NEFL: variants seen among roughly 807,000 people sequenced by gnomAD.
The protein encoded by NEFL is neurofilament light chain.
Under a neutral mutation model 51.6 loss-of-function variants are expected in NEFL, and 36 were observed. The observed-to-expected ratio is 0.70, with a 90% confidence interval of 0.53 to 0.92. NEFL has a LOEUF of 0.92. Among genes scored for constraint, NEFL ranks in the 40% least tolerant of loss-of-function variants. The pLI is 0.00. For missense variants in NEFL, 671 were observed against 722.0 expected, an observed-to-expected ratio of 0.93 and a Z score of 0.81; for synonymous variants, 332 against 302.5, an observed-to-expected ratio of 1.10 and a Z score of -1.01.
At position 24,955,462 on chromosome 8, in the gene NEFL, C is replaced by A; in HGVS notation, c.1044+10G>T. On this transcript the variant is annotated intron_variant, in intron 1 of 3. Transcript: ENST00000610854. This position sits in a 1 kb window ranked among gnomAD's most constrained non-coding sequence, Gnocchi z 4.0. ...TCCCCCGCCCCCCTGTGTTTCTGGC[C>A]GTGCCGCACCTGCATAGCGCTGATG... 6.4e-7 allele frequency: 1 copy of A among 1,574,534 alleles called. No homozygotes were observed. Among genetic ancestry groups the A allele is most frequent in the Non-Finnish European group, 8.6e-7 (1 of 1,161,566 alleles).
chr8:24,955,263 A>C lies in NEFL; in HGVS notation c.1044+209T>G. 1 of 522,626 alleles carries C rather than the reference A, an allele frequency of 1.9e-6. No individual in the cohort carries two copies. 32.4% of individuals were successfully genotyped at this position (522,626 alleles called of 1,614,324 possible). A position where few individuals can be genotyped will look rare whatever the true frequency, so the allele number is the denominator to read the frequency against. Reference sequence around the variant, plus strand: ...CAGCTTTAATGCGGAACGCCGGTGCAGCAGCACGGAGCACACTCCCAGACT... The same window carrying C: ...CAGCTTTAATGCGGAACGCCGGTGCCGCAGCACGGAGCACACTCCCAGACT... On this transcript the variant is annotated intron_variant, in intron 1 of 3. Transcript: ENST00000610854. The surrounding 1 kb of genome is among the most constrained non-coding windows in gnomAD (Gnocchi z 4.0).
In NEFL at chr8:24,955,348, GAGCCA is replaced by G; in HGVS notation, c.1044+119_1044+123del. ...CCACCCCTCCCACACAGTGGCCAAG[GAGCCA>G]AGCCCTATCCCTAAGAGCTGCGTGC... On this transcript the variant is annotated intron_variant, in intron 1 of 3. Transcript: ENST00000610854. The surrounding 1 kb of genome is among the most constrained non-coding windows in gnomAD (Gnocchi z 4.0). The G allele has an allele frequency of 1.0e-6, 1 of 999,748 alleles. No individual in the cohort carries two copies. The highest frequency in any genetic ancestry group is 1.6e-5 in the African/African-American group (1 of 61,474). 61.9% of individuals were successfully genotyped at this position (999,748 alleles called of 1,614,324 possible).
Position 24,955,422 on chromosome 8 carries a change from C to A in NEFL, c.1044+50G>T. The A allele has an allele frequency of 6.0e-6, 4 of 670,060 alleles. No individual in the cohort carries two copies. The highest frequency in any genetic ancestry group is 3.4e-5 in the South Asian group (2 of 58,868). The allele number at this position is 670,060 out of a possible 1,614,324, so 41.5% of individuals were successfully genotyped here. A position where few individuals can be genotyped will look rare whatever the true frequency, so the allele number is the denominator to read the frequency against. On this transcript the variant is annotated intron_variant, in intron 1 of 3. Transcript: ENST00000610854. This position sits in a 1 kb window ranked among gnomAD's most constrained non-coding sequence, Gnocchi z 4.0. The stretch of plus-strand genomic sequence containing the variant: ...CTCCACTTTCTGGGCGCACCAACTC[C>A]CCCCCTTGCTCGAGTCCCCCGCCCC...
At position 24,954,241 on chromosome 8, in the gene NEFL, T is replaced by C; in HGVS notation, c.1109A>G (p.Lys370Arg). Residue 370 changes from lysine (K) to arginine (R), a missense_variant, in exon 2 of 4, where the codon AAA becomes AGA. By Grantham distance (26) the Lys-to-Arg change is conservative (BLOSUM62 2). Coordinates refer to ENST00000610854, the MANE Select transcript of NEFL (RefSeq NM_006158.5). The stretch of plus-strand genomic sequence containing the variant: ...CACGTTGAGGAGGTCTTGGTATTCT[T>C]TTAGGTATCGTGCCATTTCACTCTT... ...TTKSEMARYL[K>R]EYQDLLNVKM... 1 of 1,613,980 alleles carries C rather than the reference T, an allele frequency of 6.2e-7. No homozygotes were observed. Among genetic ancestry groups the C allele is most frequent in the Non-Finnish European group, 8.5e-7 (1 of 1,179,872 alleles).
Position 24,955,615 on chromosome 8 carries a change from C to A in NEFL, c.901G>T (p.Ala301Ser), listed in dbSNP as rs749035797. The A allele has an allele frequency of 3.7e-6, 6 of 1,613,792 alleles. No homozygotes were observed. The highest frequency in any genetic ancestry group is 1.3e-5 in the African/African-American group (1 of 75,032). The change falls in exon 1 of 4, where the codon GCC becomes TCC. Residue 301 changes from alanine to serine, a missense_variant. Ala to Ser is a moderately conservative substitution (Grantham distance 99). Transcript: ENST00000610854. The surrounding 1 kb of genome is among the most constrained non-coding windows in gnomAD (Gnocchi z 4.0). The stretch of plus-strand genomic sequence containing the variant: ...CGGCTCTCGGACACCTCGTCCTTGG[C>A]GGCGCGCACGGCGTCGGTGTTCTTG... ...AAKNTDAVRA[A>S]KDEVSESRRL... is the part of the protein sequence containing the mutation.
chr8:24,955,947 C>T lies in NEFL; in HGVS notation c.569G>A (p.Gly190Asp). The change falls in exon 1 of 4, where the codon GGC (glycine) becomes GAC (aspartate). Residue 190 changes from glycine to aspartate, a missense_variant. Transcript: ENST00000610854. The surrounding 1 kb of genome is among the most constrained non-coding windows in gnomAD (Gnocchi z 4.0). Reference sequence around the variant, plus strand: ...GCCTTTGCGCGCTTCCATCAGCCGGCCCTCGGCGTCCTCGCGGCTCAGCAC... The same window carrying T: ...GCCTTTGCGCGCTTCCATCAGCCGGTCCTCGGCGTCCTCGCGGCTCAGCAC... ...EEVLSREDAE[G>D]RLMEARKGAD... 6.2e-7 allele frequency: 1 copy of T among 1,602,882 alleles called. No homozygotes were observed.
In NEFL at chr8:24,952,562, C is replaced by T. The variant is rs944682480; in HGVS notation, c.*248G>A. The T allele has an allele frequency of 1.2e-5, 6 of 494,032 alleles. No individual in the cohort carries two copies. Among genetic ancestry groups the T allele is most frequent in the Admixed American group, 1.1e-4 (3 of 27,770 alleles). The allele number at this position is 494,032 out of a possible 1,614,324, so 30.6% of individuals were successfully genotyped here. A position where few individuals can be genotyped will look rare whatever the true frequency, so the allele number is the denominator to read the frequency against. ...GATTCACATTGCCGTAGATCCTGAACTCATAAGCGTGGTCCATGCACAGGC... is the reference window on the plus strand; with the variant it reads ...GATTCACATTGCCGTAGATCCTGAATTCATAAGCGTGGTCCATGCACAGGC... On this transcript the variant is annotated 3_prime_UTR_variant, in exon 4 of 4. Coordinates refer to ENST00000610854, the MANE Select transcript of NEFL (RefSeq NM_006158.5).
chr8:24,953,943 T>A, intron 2 of NEFL, 148 bp from the exon 3 acceptor site: 7 of 1,230,248 alleles, frequency 5.7e-6, no homozygotes, highest in Non-Finnish European at 7.7e-6. Context: ...CCAGAAAAAA[T>A]ATAAATAAAT....
At chr8:24,953,382 T>C in intron 3 of NEFL, 94 bp downstream of exon 3, 1 of 1,534,454 alleles carries the variant, frequency 6.5e-7, no homozygotes, top group Non-Finnish European at 8.7e-7. Flanking sequence ...CATATATGAA[T>C]AAATGAGCAA....
Position 24,955,550 on chromosome 8 carries a change from G to A in NEFL, c.966C>T (p.Cys322=). The A allele has an allele frequency of 6.2e-7, 1 of 1,613,466 alleles. No individual in the cohort carries two copies. The highest frequency in any genetic ancestry group is 8.5e-7 in the Non-Finnish European group (1 of 1,179,868). Residue 322 remains cysteine, a synonymous_variant, in exon 1 of 4, where the codon TGC becomes TGT. Coordinates refer to ENST00000610854, the MANE Select transcript of NEFL (RefSeq NM_006158.5). This position sits in a 1 kb window ranked among gnomAD's most constrained non-coding sequence, Gnocchi z 4.0. ...TCTCCAGCGCTTCATTCATGCCCCG[G>A]CATGCTTCGATTTCCAGGGTCTTGG... ...LKAKTLEIEA[C]RGMNEALEKQ...
rs779559532 is a variant in NEFL at position 24,955,571 on chromosome 8, C to T, written c.945G>A (p.Lys315=). The change falls in exon 1 of 4, where the codon AAG becomes AAA. Residue 315 remains lysine, a synonymous_variant. Coordinates refer to ENST00000610854, the MANE Select transcript of NEFL (RefSeq NM_006158.5). This position sits in a 1 kb window ranked among gnomAD's most constrained non-coding sequence, Gnocchi z 4.0. ...VSESRRLLKA[K]TLEIEACRGM... ...CCCGGCATGCTTCGATTTCCAGGGT[C>T]TTGGCCTTGAGCAGACGACGGCTCT... 1.1e-5 allele frequency: 17 copies of T among 1,613,644 alleles called. No homozygotes were observed. Among genetic ancestry groups the T allele is most frequent in the African/African-American group, 1.3e-5 (1 of 74,914 alleles).
intron 3 of NEFL, 150 bp downstream of exon 3, chr8:24,953,326 G>A (rs991676943): frequency 9.6e-6 from 14 of 1,452,226 alleles, no homozygotes; most frequent in Non-Finnish European, 1.3e-5. Context: ...GATGCCTTAG[G>A]AAAGTTTTGC....
rs1803034991 is a variant in NEFL, at chr8:24,955,568, G to A, written c.948C>T (p.Thr316=). ...SESRRLLKAK[T]LEIEACRGMN... is the part of the protein sequence containing the mutation. ...TGCCCCGGCATGCTTCGATTTCCAGGGTCTTGGCCTTGAGCAGACGACGGC... is the reference window on the plus strand; with the variant it reads ...TGCCCCGGCATGCTTCGATTTCCAGAGTCTTGGCCTTGAGCAGACGACGGC... Residue 316 remains threonine (T), a synonymous_variant, in exon 1 of 4, where the codon ACC becomes ACT. Transcript: ENST00000610854. This position sits in a 1 kb window ranked among gnomAD's most constrained non-coding sequence, Gnocchi z 4.0. 6.2e-7 allele frequency: 1 copy of A among 1,613,680 alleles called. No individual in the cohort carries two copies.
chr8:24,955,420 T>TGGGGGGGGGG lies in NEFL; in HGVS notation c.1044+51_1044+52insCCCCCCCCCC. ...GTCTCCACTTTCTGGGCGCACCAAC[T>TGGGGGGGGGG]CCCCCCCTTGCTCGAGTCCCCCGCC... On this transcript the variant is annotated intron_variant, in intron 1 of 3. Coordinates refer to ENST00000610854, the MANE Select transcript of NEFL (RefSeq NM_006158.5). The surrounding 1 kb of genome is among the most constrained non-coding windows in gnomAD (Gnocchi z 4.0). The TGGGGGGGGGG allele has an allele frequency of 2.1e-6, 2 of 966,284 alleles. No individual in the cohort carries two copies. The highest frequency in any genetic ancestry group is 3.1e-6 in the Non-Finnish European group (2 of 650,748). The allele number at this position is 966,284 out of a possible 1,614,324, so 59.9% of individuals were successfully genotyped here.
Position 24,951,517 on chromosome 8 carries a change from TGTCCAACCA to T in NEFL, c.*1284_*1292del, listed in dbSNP as rs1298121139. ...TACATGGGGCGTGTATTTGATGCAA[TGTCCAACCA>T]GTCAAGCTATCATTGAAATCCAAAT... On this transcript the variant is annotated 3_prime_UTR_variant, in exon 4 of 4. Transcript: ENST00000610854. The T allele has an allele frequency of 6.6e-6, 1 of 152,218 alleles. No individual in the cohort carries two copies. Among genetic ancestry groups the T allele is most frequent in the African/African-American group, 2.4e-5 (1 of 41,440 alleles). The allele number at this position is 152,218 out of a possible 1,614,324, so 9.4% of individuals were successfully genotyped here.
chr8:24,956,539 C>G lies in NEFL; in HGVS notation c.-24G>C. The G allele has an allele frequency of 8.3e-6, 13 of 1,568,020 alleles. No individual in the cohort carries two copies. Among genetic ancestry groups the G allele is most frequent in the Non-Finnish European group, 1.1e-5 (13 of 1,157,858 alleles). ...ATGGTGGCGGCCGGTGGCTCCCCGG[C>G]CCGCGGCGGCGGTGGGAGCCCGGAG... On this transcript the variant is annotated 5_prime_UTR_variant, in exon 1 of 4. Coordinates refer to ENST00000610854, the MANE Select transcript of NEFL (RefSeq NM_006158.5). The surrounding 1 kb of genome is among the most constrained non-coding windows in gnomAD (Gnocchi z 5.9).
chr8:24,955,243 T>G lies in NEFL; in HGVS notation c.1044+229A>C. The G allele has an allele frequency of 1.5e-4, 65 of 425,828 alleles. No individual in the cohort carries two copies. Among genetic ancestry groups the G allele is most frequent in the Middle Eastern group, 6.9e-4 (1 of 1,456 alleles). 26.4% of individuals were successfully genotyped at this position (425,828 alleles called of 1,614,324 possible). On this transcript the variant is annotated intron_variant, in intron 1 of 3. Transcript: ENST00000610854. This position sits in a 1 kb window ranked among gnomAD's most constrained non-coding sequence, Gnocchi z 4.0. ...CCCACCCAACAAGGGCTGGGCAGCT[T>G]TAATGCGGAACGCCGGTGCAGCAGC...
Position 24,956,174 on chromosome 8 carries a change from C to T in NEFL, c.342G>A (p.Gln114=), listed in dbSNP as rs2117255437. ...FIERVHELEQ[Q]NKVLEAELLV... ...GCAGCTCGGCTTCCAGGACCTTGTT[C>T]TGCTGCTCCAGCTCGTGCACGCGCT... The change falls in exon 1 of 4, where the codon CAG becomes CAA. Residue 114 remains glutamine, a synonymous_variant. Transcript: ENST00000610854. This position sits in a 1 kb window ranked among gnomAD's most constrained non-coding sequence, Gnocchi z 5.9. 2 of 1,610,272 alleles carry T rather than the reference C, an allele frequency of 1.2e-6. No homozygotes were observed. Among genetic ancestry groups the T allele is most frequent in the Non-Finnish European group, 1.7e-6 (2 of 1,178,666 alleles).
intron 1 of NEFL, among the ~76,000 whole-genome samples, chr8:24,954,615 C>A (rs1803016368): frequency 6.6e-6 from 1 of 152,168 alleles, no homozygotes; most frequent in Non-Finnish European, 1.5e-5. Flanking sequence ...AACTGTGTCT[C>A]TCATTCACTG....
Sources: gnomAD v4.1 joint callset for allele counts (sites outside exome capture counted in the v4.1 genomes callset) on GRCh38, gnomAD v4.1.1 for gene constraint, Gnocchi (gnomAD v3.1) non-coding constraint, MANE v1.5 for transcripts, NCBI Gene and HGNC (gene_info 2026-07-23, HGNC 2026-07-21) for gene names.